Variants in PTPRA observed in about 807,000 individuals in gnomAD.
The protein encoded by PTPRA is protein tyrosine phosphatase receptor type A, also known as receptor-type tyrosine-protein phosphatase alpha.
PTPRA carries 25 observed loss-of-function variants against 104.8 expected under a neutral mutation model. The ratio of observed to expected loss-of-function variants is 0.24; its 90% confidence interval spans 0.17 to 0.33. The LOEUF (loss-of-function observed/expected upper bound fraction) is 0.33. Ranked by LOEUF, PTPRA falls within the 10% of genes least tolerant of loss-of-function variation. PTPRA has a pLI of 1.00. For synonymous variants in PTPRA, 323 were observed against 368.9 expected (o/e 0.88, Z 1.43); for missense variants, 765 against 1,015.3 (o/e 0.75, Z 3.35).
At chr20:3,026,937 G>A (rs140145925) in intron 18 of PTPRA, among the ~76,000 whole-genome samples, 157 bp downstream of exon 18, 1 of 152,272 alleles carries the variant, frequency 6.6e-6, no homozygotes, top group Non-Finnish European at 1.5e-5. Flanking sequence ...GTTGCCTTTT[G>A]TTGCACCTTA....
At chr20:2,885,557 T>G (rs977924235) in intron 1 of PTPRA, among the ~76,000 whole-genome samples, 1 of 152,218 alleles carries the variant, frequency 6.6e-6, no homozygotes, top group African/African-American at 2.4e-5. Flanking sequence ...TTATATTCTT[T>G]CTATGTGATA....
intron 1 of PTPRA, among the ~76,000 whole-genome samples, chr20:2,921,761 G>A (rs889590454): frequency 6.6e-6 from 1 of 152,058 alleles, no homozygotes; most frequent in Non-Finnish European, 1.5e-5. Context: ...TTGGGTATAG[G>A]GAGCCATCAG....
In PTPRA at chr20:3,035,671, G is replaced by A; in HGVS notation, c.2007G>A (p.Glu669=). 1 of 1,614,212 alleles carries A rather than the reference G, an allele frequency of 6.2e-7. No individual in the cohort carries two copies. Among genetic ancestry groups the A allele is most frequent in the East Asian group, 2.2e-5 (1 of 44,880 alleles). Residue 669 remains glutamate, a synonymous_variant, in exon 21 of 24, where the codon GAG becomes GAA. Coordinates refer to ENST00000399903, the MANE Select transcript of PTPRA (RefSeq NM_001385305.1). This position sits in a 1 kb window ranked among gnomAD's most constrained non-coding sequence, Gnocchi z 5.8. ...TVELKKEEEC[E]SYTVRDLLVT... Reference sequence around the variant, plus strand: ...AACTGAAGAAGGAGGAGGAATGTGAGAGCTACACCGTCCGAGACCTCCTGG... The same window carrying A: ...AACTGAAGAAGGAGGAGGAATGTGAAAGCTACACCGTCCGAGACCTCCTGG...
chr20:2,874,917 A>T (rs184375871), intron 1 of PTPRA, among the ~76,000 whole-genome samples: 1 of 151,846 alleles, frequency 6.6e-6, no homozygotes, highest in East Asian at 1.9e-4. Context: ...CTGCCCCCTC[A>T]CATGTTGGGA....
intron 11 of PTPRA, among the ~76,000 whole-genome samples, 176 bp from the exon 12 acceptor site, chr20:3,015,673 G>A (rs2064405265): frequency 6.6e-6 from 1 of 152,124 alleles, no homozygotes; most frequent in African/African-American, 2.4e-5. Context: ...TTTGAGTTTT[G>A]TAATCTCTAA....
At chr20:2,983,652 A>G (rs1600212447) in intron 6 of PTPRA, among the ~76,000 whole-genome samples, 1 of 151,950 alleles carries the variant, frequency 6.6e-6, no homozygotes, top group East Asian at 1.9e-4. Flanking sequence ...TGCTAGATAT[A>G]GAAGATAAGT....
At chr20:2,949,650 G>A (rs2061286385) in intron 3 of PTPRA, among the ~76,000 whole-genome samples, 1 of 151,170 alleles carries the variant, frequency 6.6e-6, no homozygotes, top group African/African-American at 2.4e-5. Context: ...AGAAGTGATA[G>A]TAGATTACTT....
At chr20:3,024,788 C>T (rs1399645388) in intron 17 of PTPRA, among the ~76,000 whole-genome samples, 167 bp downstream of exon 17, 2 of 152,128 alleles carry the variant, frequency 1.3e-5, no homozygotes, top group African/African-American at 4.8e-5. Flanking sequence ...ACTCATCCTG[C>T]ACGTTGGAAT....
intron 16 of PTPRA, among the ~76,000 whole-genome samples, chr20:3,024,105 G>GCA (rs2065019914): frequency 6.6e-6 from 1 of 152,190 alleles, no homozygotes; most frequent in Non-Finnish European, 1.5e-5. Context: ...TGCAGTTGGG[G>GCA]CATAGCACCA....
intron 3 of PTPRA, 96 bp downstream of exon 3, chr20:2,948,120 G>C: frequency 3.7e-6 from 2 of 541,050 alleles, no homozygotes; most frequent in Non-Finnish European, 6.0e-6. Flanking sequence ...GCTGCTTATG[G>C]CATAATCTGG....
chr20:2,917,962 G>C (rs985448697), intron 1 of PTPRA, among the ~76,000 whole-genome samples: 1 of 151,720 alleles, frequency 6.6e-6, no homozygotes, highest in Non-Finnish European at 1.5e-5. Context: ...AGTGGCAGGC[G>C]CCTGTAATCC....
chr20:3,007,511 T>A, intron 11 of PTPRA, 91 bp downstream of exon 11: 1 of 1,363,348 alleles, frequency 7.3e-7, no homozygotes, highest in Non-Finnish European at 1.0e-6. Flanking sequence ...GGAGAAATAT[T>A]TGTCATTTCA....
chr20:2,864,867 G>A, the PTPRA span: 29 of 1,454,162 alleles, frequency 2.0e-5, no homozygotes, highest in Non-Finnish European at 2.8e-5. The surrounding 1 kb of genome is among the most constrained non-coding windows in gnomAD (Gnocchi z 5.2). Flanking sequence ...AGCAGGCAAG[G>A]CTGACCCTGG....
chr20:3,004,422 C>T (rs1347725110), intron 9 of PTPRA, among the ~76,000 whole-genome samples: 1 of 152,242 alleles, frequency 6.6e-6, no homozygotes, highest in Non-Finnish European at 1.5e-5. Context: ...GATAACCTCC[C>T]TGCACTAACT....
intron 1 of PTPRA, among the ~76,000 whole-genome samples, chr20:2,909,512 G>T (rs1397157513): frequency 1.3e-5 from 2 of 151,774 alleles, no homozygotes; most frequent in Non-Finnish European, 2.9e-5. Context: ...AACCCAGGAG[G>T]CGGAGGTTGC....
intron 11 of PTPRA, among the ~76,000 whole-genome samples, chr20:3,009,360 G>A (rs2064046134): frequency 6.6e-6 from 1 of 152,128 alleles, no homozygotes; most frequent in Admixed American, 6.5e-5. Flanking sequence ...GGGAAGGTCA[G>A]TGGCTGCTTC....
intron 2 of PTPRA, among the ~76,000 whole-genome samples, chr20:2,944,855 G>C (rs2147712508): frequency 6.6e-6 from 1 of 152,200 alleles, no homozygotes; most frequent in Non-Finnish European, 1.5e-5. Flanking sequence ...CTGTTTGGGG[G>C]GTGTTTAGGG....
chr20:2,966,832 C>A (rs1369034050), intron 5 of PTPRA, among the ~76,000 whole-genome samples: 1 of 152,148 alleles, frequency 6.6e-6, no homozygotes, highest in Non-Finnish European at 1.5e-5. Context: ...AATGGATGAT[C>A]CAGTTCCATG....
At chr20:3,003,885 A>G (rs1399192341) in intron 9 of PTPRA, among the ~76,000 whole-genome samples, 2 of 151,964 alleles carry the variant, frequency 1.3e-5, no homozygotes, top group Non-Finnish European at 2.9e-5. Flanking sequence ...GAAACATACA[A>G]GAGGAGAACA....
Sources: allele counts gnomAD v4.1 joint callset (sites outside exome capture counted in the v4.1 genomes callset), GRCh38; gene constraint gnomAD v4.1.1; non-coding constraint Gnocchi (gnomAD v3.1); transcripts MANE v1.5; gene names NCBI Gene and HGNC (gene_info 2026-07-23, HGNC 2026-07-21).